TGM2: variants seen among roughly 807,000 people sequenced by gnomAD.
TGM2 encodes protein-glutamine gamma-glutamyltransferase 2.
A neutral mutation model predicts 75.6 loss-of-function variants in TGM2; 53 were observed. The ratio of observed to expected loss-of-function variants is 0.70; its 90% CI spans 0.56 to 0.88. The LOEUF (loss-of-function observed/expected upper bound fraction) is 0.88, where lower values mean the gene tolerates loss of function less well. Ranked by LOEUF, TGM2 falls within the 40% of genes least tolerant of loss-of-function variation. TGM2 has a pLI of 0.00. For synonymous variants in TGM2, 374 were observed against 381.1 expected (o/e 0.98, Z 0.22); for missense variants, 842 against 928.5 (o/e 0.91, Z 1.21).
In TGM2 at chr20:38,128,649, C is replaced by G. The variant is rs1374508151; in HGVS notation, c.*1570G>C. On this transcript the variant is annotated 3_prime_UTR_variant, in exon 13 of 13. Coordinates refer to ENST00000361475, the MANE Select transcript of TGM2 (RefSeq NM_004613.4). ...TGTGCAAAGCAGAAAGTTCTAAATG[C>G]AACAGCATGATTCTCTCCAAGTCCT... The G allele has an allele frequency of 6.6e-6, 1 of 152,202 alleles. No homozygotes were observed. The highest frequency in any genetic ancestry group is 1.9e-4 in the East Asian group (1 of 5,192). 9.4% of individuals were successfully genotyped at this position (152,202 alleles called of 1,614,324 possible). A position where few individuals can be genotyped will look rare whatever the true frequency, so the allele number is the denominator to read the frequency against.
In TGM2 at chr20:38,148,086, C is replaced by T. The variant is rs2075068387; in HGVS notation, c.556G>A (p.Glu186Lys). Reference protein sequence around the residue: ...KNIPWNFGQFEDGILDICLIL... With the variant: ...KNIPWNFGQFKDGILDICLIL... ...AGGCAGATGTCTAGGATCCCATCTT[C>T]AAACTGTGTCAGAGGAAACAAGAGG... Residue 186 changes from glutamate (E) to lysine (K), a missense_variant, in exon 5 of 13, where the codon GAA becomes AAA. Glu to Lys is a moderately conservative substitution (Grantham distance 56). Coordinates refer to ENST00000361475, the MANE Select transcript of TGM2 (RefSeq NM_004613.4). The T allele has an allele frequency of 6.2e-7, 1 of 1,614,024 alleles. No homozygotes were observed. The highest frequency in any genetic ancestry group is 8.5e-7 in the Non-Finnish European group (1 of 1,180,022).
rs2074788960 is a variant in TGM2, at chr20:38,128,466, G to A, written c.*1753C>T. 1.3e-5 allele frequency: 2 copies of A among 152,294 alleles called. No homozygotes were observed. The highest frequency in any genetic ancestry group is 4.2e-4 in the South Asian group (2 of 4,800). 9.4% of individuals were successfully genotyped at this position (152,294 alleles called of 1,614,324 possible). On this transcript the variant is annotated 3_prime_UTR_variant, in exon 13 of 13. Transcript: ENST00000361475. ...AAGGAACAGACCAGACCTAGTTTGA[G>A]TGTGAAAAATAAACTATTTTATTTC...
At chr20:38,158,742 T>C (rs1033744030) in intron 2 of TGM2, among the ~76,000 whole-genome samples, 1 of 152,176 alleles carries the variant, frequency 6.6e-6, no homozygotes, top group Non-Finnish European at 1.5e-5. Flanking sequence ...CATGCTCCAT[T>C]CGCTGAGTGA....
intron 2 of TGM2, among the ~76,000 whole-genome samples, chr20:38,156,697 T>C (rs954602491): frequency 1.3e-5 from 2 of 151,944 alleles, no homozygotes; most frequent in African/African-American, 2.4e-5. Flanking sequence ...CACATCTCCA[T>C]AGGCAGTTCC....
chr20:38,132,880 C>G, intron 10 of TGM2: 1 of 460,288 alleles, frequency 2.2e-6, no homozygotes, highest in South Asian at 1.5e-5. Flanking sequence ...GAGCCTGGTG[C>G]GCTCGGGACT....
intron 12 of TGM2, 40 bp downstream of exon 12, chr20:38,131,053 G>A (rs747841843): frequency 2.4e-5 from 39 of 1,608,152 alleles, no homozygotes; most frequent in South Asian, 6.6e-5. Context: ...GCATCTGCCC[G>A]CTTCCCCCAG....
At chr20:38,153,217 C>T (rs45565641) in intron 3 of TGM2, among the ~76,000 whole-genome samples, 44 of 152,290 alleles carry the variant, frequency 2.9e-4, no homozygotes, top group African/African-American at 8.4e-4. Context: ...GGACACTCAA[C>T]GCCCTTAGAA....
At chr20:38,130,514 G>T in intron 12 of TGM2, 145 bp from the exon 13 acceptor site, 1 of 877,330 alleles carries the variant, frequency 1.1e-6, no homozygotes. Context: ...TGCGGGGCCT[G>T]GACAATCTGC....
chr20:38,166,561 T>C (rs7272112), upstream of TGM2: 102,060 of 152,252 alleles, frequency 0.67, 37,025 homozygotes, highest in South Asian at 0.82. Flanking sequence ...GGGGCTTCCC[T>C]GGCACTTTTT....
chr20:38,163,912 G>A (rs1378535388), intron 1 of TGM2, among the ~76,000 whole-genome samples: 2 of 152,216 alleles, frequency 1.3e-5, no homozygotes, highest in Admixed American at 6.5e-5. Flanking sequence ...TCTGTTGTCC[G>A]AAGAAGGGTT....
chr20:38,146,408 T>G, intron 6 of TGM2: 1 of 462,046 alleles, frequency 2.2e-6, no homozygotes. Context: ...GAGCAAGTGG[T>G]GGGAGGGAGG....
At chr20:38,132,166 A>G (rs2076384) in intron 11 of TGM2, among the ~76,000 whole-genome samples, 174 bp downstream of exon 11, 28,548 of 151,908 alleles carry the variant, frequency 0.19, 2,846 homozygotes, top group East Asian at 0.34. Flanking sequence ...CGAGTCCCCA[A>G]TTCTCTAGGC....
chr20:38,149,051 T>A (rs958732223), intron 4 of TGM2, among the ~76,000 whole-genome samples: 3 of 152,122 alleles, frequency 2.0e-5, no homozygotes, highest in Admixed American at 6.5e-5. Context: ...ACTGCTGGCT[T>A]CTCCCACCTC....
At chr20:38,151,854 T>C (rs1321233386) in intron 3 of TGM2, among the ~76,000 whole-genome samples, 2 of 152,168 alleles carry the variant, frequency 1.3e-5, no homozygotes. Context: ...CATTTAGTTG[T>C]CTGTGGCCAG....
intron 6 of TGM2, among the ~76,000 whole-genome samples, chr20:38,143,961 C>T (rs879408426): frequency 1.6e-4 from 25 of 152,310 alleles, no homozygotes; most frequent in Admixed American, 1.6e-3. Flanking sequence ...TGACCTCCCC[C>T]TCTTGCCTGG....
At chr20:38,156,605 TGCTGTAG>T (rs2075191064) in intron 2 of TGM2, among the ~76,000 whole-genome samples, 1 of 152,254 alleles carries the variant, frequency 6.6e-6, no homozygotes, top group African/African-American at 2.4e-5. Flanking sequence ...GAGAGCCCCT[TGCTGTAG>T]GCCAGCGGAG....
At chr20:38,153,533 G>GAAAAGAAAAA (rs2075142383) in intron 3 of TGM2, among the ~76,000 whole-genome samples, 16 of 87,438 alleles carry the variant, frequency 1.8e-4, no homozygotes, top group South Asian at 8.1e-4. Context: ...TCAAAAAAAA[G>GAAAAGAAAAA]AAAAAAAAAA....
chr20:38,165,200 G>A lies in TGM2; in HGVS notation c.-2C>T. ...ACTCTGATACTCACCCTCGGCCATG[G>A]TCGGGCGGGGGCGGTGGCTCCTTCC... On this transcript the variant is annotated 5_prime_UTR_variant, in exon 1 of 13. Transcript: ENST00000361475. 6.2e-7 allele frequency: 1 copy of A among 1,613,502 alleles called. No homozygotes were observed. Among genetic ancestry groups the A allele is most frequent in the Non-Finnish European group, 8.5e-7 (1 of 1,179,946 alleles).
intron 6 of TGM2, among the ~76,000 whole-genome samples, chr20:38,144,300 G>A (rs1027628576): frequency 1.3e-5 from 2 of 152,214 alleles, no homozygotes; most frequent in African/African-American, 4.8e-5. Flanking sequence ...AGTAAGACAA[G>A]CTAATAATAG....
Sources: allele counts gnomAD v4.1 joint callset (sites outside exome capture counted in the v4.1 genomes callset), GRCh38; gene constraint gnomAD v4.1.1; transcripts MANE v1.5; gene names NCBI Gene and HGNC (gene_info 2026-07-23, HGNC 2026-07-21).